TOPAZ1: variants seen among roughly 807,000 people sequenced by gnomAD.
The protein encoded by TOPAZ1 is testis and ovary specific TOPAZ 1.
In TOPAZ1, 66 loss-of-function variants were observed where a neutral mutation model predicts 172.2. The observed-to-expected ratio is 0.38, with a 90% confidence interval of 0.31 to 0.47. The LOEUF (loss-of-function observed/expected upper bound fraction) is 0.47. TOPAZ1 is among the 20% of genes least tolerant of loss of function. TOPAZ1 has a pLI of 0.99. For missense variants in TOPAZ1, 1,822 were observed against 1,972.4 expected, an observed-to-expected ratio of 0.92 and a Z score of 1.44; for synonymous variants, 681 against 683.9, an observed-to-expected ratio of 1.00 and a Z score of 0.07.
intron 7 of TOPAZ1, 104 bp downstream of exon 7, chr3:44,269,405 C>A (rs1366069228): frequency 9.0e-6 from 5 of 556,634 alleles, no homozygotes; most frequent in African/African-American, 8.2e-5. Context: ...CCTCTTTTAT[C>A]CTCCCCTTAA....
chr3:44,294,176 G>A (rs1318393133), intron 12 of TOPAZ1, among the ~76,000 whole-genome samples: 2 of 152,084 alleles, frequency 1.3e-5, no homozygotes. Flanking sequence ...GAAAGCAGAG[G>A]TGGCAGTGAG....
At chr3:44,318,334 C>T (rs996594047) in intron 16 of TOPAZ1, among the ~76,000 whole-genome samples, 17 of 152,236 alleles carry the variant, frequency 1.1e-4, no homozygotes, top group African/African-American at 1.4e-4. Flanking sequence ...CACGTGTAGT[C>T]CCAGCTACTA....
intron 19 of TOPAZ1, among the ~76,000 whole-genome samples, chr3:44,329,636 C>T (rs757911857): frequency 5.9e-5 from 9 of 152,192 alleles, no homozygotes; most frequent in South Asian, 2.1e-4. Context: ...ACTCCTGTGT[C>T]GGAGACAGAG....
At chr3:44,284,958 A>G (rs1295173041) in intron 9 of TOPAZ1, among the ~76,000 whole-genome samples, 1 of 152,230 alleles carries the variant, frequency 6.6e-6, no homozygotes, top group Non-Finnish European at 1.5e-5. Flanking sequence ...ATACAAAACT[A>G]TTCCAATATA....
chr3:44,296,847 C>CAAAAAAAAAAAA (rs141080618), intron 12 of TOPAZ1, among the ~76,000 whole-genome samples: 5 of 104,766 alleles, frequency 4.8e-5, no homozygotes, highest in Non-Finnish European at 7.3e-5. Context: ...CAGAGAATAC[C>CAAAAAAAAAAAA]AAAAAAAAAA....
intron 9 of TOPAZ1, among the ~76,000 whole-genome samples, chr3:44,286,870 G>A (rs939928357): frequency 6.6e-6 from 1 of 152,178 alleles, no homozygotes; most frequent in Non-Finnish European, 1.5e-5. Flanking sequence ...AAACTAATCA[G>A]CATTGTTGTA....
At chr3:44,332,170 A>G (rs941897055), downstream of TOPAZ1, 4 of 567,830 alleles carry the variant, frequency 7.0e-6, no homozygotes, top group Non-Finnish European at 6.1e-6. Context: ...TTGATATGTA[A>G]TTTTCATTGA....
intron 5 of TOPAZ1, 24 bp downstream of exon 5, chr3:44,262,507 C>T (rs1483802450): frequency 4.1e-6 from 5 of 1,222,386 alleles, no homozygotes; most frequent in East Asian, 2.6e-5. Flanking sequence ...TTCTTAATTA[C>T]ATAACTTAAA....
chr3:44,330,073 T>C (rs1438080753), intron 19 of TOPAZ1, among the ~76,000 whole-genome samples: 1 of 152,218 alleles, frequency 6.6e-6, no homozygotes, highest in Non-Finnish European at 1.5e-5. Context: ...TCCTTTTTTG[T>C]AGATGAGTCT....
chr3:44,319,580 C>T (rs1178192371), intron 16 of TOPAZ1, among the ~76,000 whole-genome samples: 1 of 152,158 alleles, frequency 6.6e-6, no homozygotes, highest in Non-Finnish European at 1.5e-5. Context: ...TTATGTTTAA[C>T]AGATGATCAT....
At chr3:44,314,187 A>G (rs1181820917) in intron 16 of TOPAZ1, among the ~76,000 whole-genome samples, 2 of 152,136 alleles carry the variant, frequency 1.3e-5, no homozygotes, top group Non-Finnish European at 2.9e-5. Flanking sequence ...TCGGCCTCCC[A>G]AAGTGCTGGG....
intron 14 of TOPAZ1, among the ~76,000 whole-genome samples, chr3:44,305,687 A>G (rs547401762): frequency 6.6e-6 from 1 of 152,278 alleles, no homozygotes; most frequent in African/African-American, 2.4e-5. Context: ...GTTCTTAACA[A>G]GAATGTAAAA....
At chr3:44,317,390 C>T (rs1001382172) in intron 16 of TOPAZ1, among the ~76,000 whole-genome samples, 9 of 152,180 alleles carry the variant, frequency 5.9e-5, no homozygotes, top group Admixed American at 3.3e-4. Context: ...CACTGCACTT[C>T]AGCCTGGGCA....
rs898380320 is a variant in TOPAZ1, at chr3:44,279,843, T to C, written c.3373-2125T>C. Among the ~76,000 whole-genome samples, 24 of 152,332 alleles carry C rather than the reference T, an allele frequency of 1.6e-4. No individual in the cohort carries two copies. The East Asian group carries it at 4.4e-3, about 28-fold the overall frequency. On this transcript the variant is annotated intron_variant, in intron 8 of 19. Coordinates refer to ENST00000309765, the MANE Select transcript of TOPAZ1 (RefSeq NM_001145030.2). Reference sequence around the variant, plus strand: ...TTATTGATGTGTGAGGGCTTATTCCTGTCATCTTATTAATTGATAACTGGT... The same window carrying C: ...TTATTGATGTGTGAGGGCTTATTCCCGTCATCTTATTAATTGATAACTGGT...
chr3:44,297,117 G>C (rs541671018), intron 12 of TOPAZ1, among the ~76,000 whole-genome samples: 1 of 149,414 alleles, frequency 6.7e-6, no homozygotes, highest in African/African-American at 2.5e-5. Flanking sequence ...GTTACAGTGA[G>C]CCGAGATTGA....
chr3:44,320,865 TAA>T (rs1197607862), intron 16 of TOPAZ1, among the ~76,000 whole-genome samples, 160 bp from the exon 17 acceptor site: 7 of 152,204 alleles, frequency 4.6e-5, no homozygotes, highest in Admixed American at 1.3e-4. Context: ...CATCACTATA[TAA>T]GTTATTTCTA....
In TOPAZ1 at chr3:44,242,011, C is replaced by A; in HGVS notation, c.-43C>A. The A allele has an allele frequency of 6.6e-7, 1 of 1,519,832 alleles. No individual in the cohort carries two copies. Among genetic ancestry groups the A allele is most frequent in the Non-Finnish European group, 8.8e-7 (1 of 1,134,230 alleles). The allele number at this position is 1,519,832 out of a possible 1,614,324, so 94.1% of individuals were successfully genotyped here. A position where few individuals can be genotyped will look rare whatever the true frequency, so the allele number is the denominator to read the frequency against. On this transcript the variant is annotated 5_prime_UTR_variant, in exon 1 of 20. Coordinates refer to ENST00000309765, the MANE Select transcript of TOPAZ1 (RefSeq NM_001145030.2). ...GCGTTTGCACCGCGGTGGGTTCCTGCGAGCTGGTGCAGAGGGGCCCCAGCG... is the reference window on the plus strand; with the variant it reads ...GCGTTTGCACCGCGGTGGGTTCCTGAGAGCTGGTGCAGAGGGGCCCCAGCG...
chr3:44,242,550 G>A (rs1253182692), intron 1 of TOPAZ1, among the ~76,000 whole-genome samples, 151 bp downstream of exon 1: 2 of 152,188 alleles, frequency 1.3e-5, no homozygotes, highest in African/African-American at 4.8e-5. Context: ...TTCCTTAAAA[G>A]GGGTGTTCCC....
intron 11 of TOPAZ1, among the ~76,000 whole-genome samples, chr3:44,290,452 A>G (rs896281879): frequency 3.3e-5 from 5 of 152,212 alleles, no homozygotes; most frequent in African/African-American, 9.6e-5. Context: ...CAGGAAGTTT[A>G]TAATCAGGGA....
Sources: gnomAD v4.1 joint callset for allele counts (sites outside exome capture counted in the v4.1 genomes callset) on GRCh38, gnomAD v4.1.1 for gene constraint, MANE v1.5 for transcripts, NCBI Gene and HGNC (gene_info 2026-07-23, HGNC 2026-07-21) for gene names.